BCAN: variants seen among roughly 807,000 people sequenced by gnomAD.
The protein encoded by BCAN is brevican.
Under a neutral mutation model 92.4 loss-of-function variants are expected in BCAN, and 51 were observed. The ratio of observed to expected loss-of-function variants is 0.55; its 90% CI spans 0.44 to 0.70. The LOEUF is 0.70. BCAN is among the 30% of genes least tolerant of loss of function. The pLI is 0.00. For missense variants in BCAN, 1,140 were observed against 1,212.1 expected, an observed-to-expected ratio of 0.94 and a Z score of 0.88; for synonymous variants, 501 against 505.2, an observed-to-expected ratio of 0.99 and a Z score of 0.11.
At position 156,657,018 on chromosome 1, in the gene BCAN, G is replaced by A. The variant is rs140508163; in HGVS notation, c.2131G>A (p.Glu711Lys). The change falls in exon 10 of 14, where the codon GAG becomes AAG. Residue 711 changes from glutamate (E) to lysine (K), a missense_variant. Physicochemically the swap from Glu to Lys is moderately conservative, Grantham distance 56 (BLOSUM62 1). Transcript: ENST00000329117. Reference sequence around the variant, plus strand: ...CTTTTCCACACGAAGGAGCTGGGAGGAGGCAGAGACCCAGTGCCGGATGTA... The same window carrying A: ...CTTTTCCACACGAAGGAGCTGGGAGAAGGCAGAGACCCAGTGCCGGATGTA... ...KHFSTRRSWE[E>K]AETQCRMYGA... The A allele has an allele frequency of 2.1e-5, 34 of 1,614,172 alleles. No individual in the cohort carries two copies. The highest frequency in any genetic ancestry group is 3.3e-4 in the Middle Eastern group (2 of 6,062).
rs1056695 is a variant in BCAN at position 156,652,460 on chromosome 1, G to T, written c.1510G>T (p.Glu504Ter). 1 of 1,601,780 alleles carries T rather than the reference G, an allele frequency of 6.2e-7. No individual in the cohort carries two copies. Among genetic ancestry groups the T allele is most frequent in the Non-Finnish European group, 8.5e-7 (1 of 1,173,702 alleles). ...CCCCACTGAGCCAGCAGCCCAGGAG[G>T]AGTCACTCTCCCAGGCGCCAGCAAG... is the stretch of plus-strand genomic sequence containing the variant. ...SLPTEPAAQEESLSQAPARAV... is the reference protein window; with the variant it reads ...SLPTEPAAQE Residue 504 changes from glutamate to a stop codon, truncating the protein, a stop_gained, in exon 8 of 14, where the codon GAG (glutamate) becomes TAG (stop). Transcript: ENST00000329117. LOFTEE classifies it high-confidence loss of function.
intron 2 of BCAN, 198 bp from the exon 3 acceptor site, chr1:156,646,602 TG>T: frequency 1.1e-6 from 1 of 869,782 alleles, no homozygotes; most frequent in Non-Finnish European, 1.7e-6. Flanking sequence ...GGGATGGGTC[TG>T]GAGACCGTCG....
intron 8 of BCAN, among the ~76,000 whole-genome samples, chr1:156,654,423 T>C (rs1351232932): frequency 6.6e-6 from 1 of 152,214 alleles, no homozygotes; most frequent in Admixed American, 6.5e-5. Context: ...TGGAGGTATC[T>C]ACAGTGTCTT....
intron 8 of BCAN, among the ~76,000 whole-genome samples, chr1:156,654,875 T>C (rs567303557): frequency 6.6e-6 from 1 of 152,268 alleles, no homozygotes; most frequent in African/African-American, 2.4e-5. Context: ...GGAGGGAAGA[T>C]GACAGAAGGA....
intron 8 of BCAN, chr1:156,653,378 G>A (rs1280119561): frequency 4.9e-6 from 5 of 1,017,712 alleles, no homozygotes; most frequent in Non-Finnish European, 5.9e-6. Context: ...TACCCCCACA[G>A]AGCCTTAAGC....
chr1:156,659,082 G>A lies in BCAN; in HGVS notation c.2684G>A (p.Gly895Glu), dbSNP rs1488865406. The change falls in exon 14 of 14, where the codon GGA (glycine) becomes GAA (glutamate). Residue 895 changes from glycine to glutamate, a missense_variant. Around this residue, in one of 3 missense-constraint regions of BCAN, gnomAD observed 825 missense variants for 871.8 expected, o/e 0.95. Coordinates refer to ENST00000329117, the MANE Select transcript of BCAN (RefSeq NM_021948.5). ...GAAGGACGTCAGGGGAGGCTACTGG[G>A]ACGCTGGAAGGCGCTGTTGATCCCC... ...DPEGRQGRLL[G>E]RWKALLIPPS... The A allele has an allele frequency of 6.3e-7, 1 of 1,598,822 alleles. No individual in the cohort carries two copies. The highest frequency in any genetic ancestry group is 1.1e-5 in the South Asian group (1 of 87,746).
rs1448274269 is a variant in BCAN, at chr1:156,658,476, C to T, written c.2438-67C>T. 6 of 1,557,562 alleles carry T rather than the reference C, an allele frequency of 3.9e-6. No homozygotes were observed. The African/African-American group carries it at 5.4e-5, about 14-fold the overall frequency. On this transcript the variant is annotated intron_variant, in intron 12 of 13. Coordinates refer to ENST00000329117, the MANE Select transcript of BCAN (RefSeq NM_021948.5). The surrounding 1 kb of genome is among the most constrained non-coding windows in gnomAD (Gnocchi z 4.4). ...CATGTTGTGGCCCATTTTTCTCTTC[C>T]CCATGGAGATTCTGGGAACTGTCAC... is the stretch of plus-strand genomic sequence containing the variant.
At position 156,658,561 on chromosome 1, in the gene BCAN, C is replaced by T. The variant is rs376073829; in HGVS notation, c.2456C>T (p.Pro819Leu). The change falls in exon 13 of 14, where the codon CCG becomes CTG. Residue 819 changes from proline (P) to leucine (L), a missense_variant. Around this residue, in one of 3 missense-constraint regions of BCAN, gnomAD observed 825 missense variants for 871.8 expected, o/e 0.95. Coordinates refer to ENST00000329117, the MANE Select transcript of BCAN (RefSeq NM_021948.5). This position sits in a 1 kb window ranked among gnomAD's most constrained non-coding sequence, Gnocchi z 4.4. Reference protein sequence around the residue: ...KMGLVSCGPPPELPLAQVFGR... With the variant: ...KMGLVSCGPPLELPLAQVFGR... ...TTTGCAGTGTCCTGTGGGCCGCCAC[C>T]GGAGCTGCCCCTGGCTCAAGTGTTC... 280 of 1,613,722 alleles carry T rather than the reference C, an allele frequency of 1.7e-4. No individual in the cohort carries two copies. The highest frequency in any genetic ancestry group is 2.2e-4 in the Non-Finnish European group (255 of 1,179,958).
rs1373328326 is a variant in BCAN, at chr1:156,652,396, G to A, written c.1446G>A (p.Trp482Ter). The A allele has an allele frequency of 3.1e-6, 5 of 1,608,962 alleles. No individual in the cohort carries two copies. Among genetic ancestry groups the A allele is most frequent in the African/African-American group, 1.3e-5 (1 of 74,760 alleles). ...TGGAGGATGAGGCTCTGTGGGCATGGCCCAGCGAGCTCAGCAGCCCGGGCC... is the reference window on the plus strand; with the variant it reads ...TGGAGGATGAGGCTCTGTGGGCATGACCCAGCGAGCTCAGCAGCCCGGGCC... ...EEVEDEALWA[W>*]PSELSSPGPE... The change falls in exon 8 of 14, where the codon TGG becomes TGA. Residue 482 changes from tryptophan to a stop codon, truncating the protein, a stop_gained. Transcript: ENST00000329117. LOFTEE classifies it high-confidence loss of function.
intron 6 of BCAN, 106 bp downstream of exon 6, chr1:156,648,967 T>G: frequency 1.5e-6 from 2 of 1,328,210 alleles, no homozygotes; most frequent in East Asian, 4.7e-5. Flanking sequence ...CTTTGCCATT[T>G]GCCTGAAGTG....
Position 156,648,561 on chromosome 1 carries a change from C to T in BCAN, c.770-7C>T, listed in dbSNP as rs1679059302. On this transcript the variant is annotated splice_polypyrimidine_tract_variant and splice_region_variant and intron_variant, in intron 5 of 13. Coordinates refer to ENST00000329117, the MANE Select transcript of BCAN (RefSeq NM_021948.5). ...CCTGATAACCCAGCCTTCTCTTCTC[C>T]ACCCAGGAGAACTGTTCCTGGGTGA... 6.3e-7 allele frequency: 1 copy of T among 1,575,162 alleles called. No individual in the cohort carries two copies. Among genetic ancestry groups the T allele is most frequent in the South Asian group, 1.1e-5 (1 of 88,198 alleles).
rs142504696 is a variant in BCAN, at chr1:156,645,724, A to C, written c.-8-323A>C. 1.5e-3 allele frequency among the ~76,000 whole-genome samples: 224 copies of C among 152,274 alleles called. 1 individual carries two copies. The highest frequency in any genetic ancestry group is 5.2e-3 in the African/African-American group (216 of 41,536). ...TTGTACAGGAGTTTTAAGATACTAA[A>C]CACTCTCAAAGCACATGGTCCTATC... On this transcript the variant is annotated intron_variant, in intron 1 of 13. Coordinates refer to ENST00000329117, the MANE Select transcript of BCAN (RefSeq NM_021948.5).
rs959311403 is a variant in BCAN, at chr1:156,647,805, G to T, written c.641+123G>T. 3 of 1,541,804 alleles carry T rather than the reference G, an allele frequency of 1.9e-6. No individual in the cohort carries two copies. The African/African-American group carries it at 4.1e-5, about 21-fold the overall frequency. On this transcript the variant is annotated intron_variant, in intron 4 of 13. Transcript: ENST00000329117. This position sits in a 1 kb window ranked among gnomAD's most constrained non-coding sequence, Gnocchi z 4.8. ...AGGGCTTTTTGCCTCTGGGGGATGAGGCTGGTCTGAGGAGGGGAGGTGAGG... is the reference window on the plus strand; with the variant it reads ...AGGGCTTTTTGCCTCTGGGGGATGATGCTGGTCTGAGGAGGGGAGGTGAGG...
chr1:156,659,001 G>A, intron 13 of BCAN, 26 bp from the exon 14 acceptor site: 1 of 1,560,314 alleles, frequency 6.4e-7, no homozygotes, highest in East Asian at 2.3e-5. Context: ...GAGCCAGGGT[G>A]GAGGGTGAGT....
Position 156,647,968 on chromosome 1 carries a change from G to A in BCAN, c.642-15G>A. 6.2e-7 allele frequency: 1 copy of A among 1,612,246 alleles called. No homozygotes were observed. Among genetic ancestry groups the A allele is most frequent in the Non-Finnish European group, 8.5e-7 (1 of 1,178,468 alleles). On this transcript the variant is annotated splice_polypyrimidine_tract_variant and intron_variant, in intron 4 of 13. Transcript: ENST00000329117. The surrounding 1 kb of genome is among the most constrained non-coding windows in gnomAD (Gnocchi z 4.8). ...GAAAGCATCTGTACTAAGTGATTCTGTCCTTCCTCCCTAGGTATCCCATCC... is the reference window on the plus strand; with the variant it reads ...GAAAGCATCTGTACTAAGTGATTCTATCCTTCCTCCCTAGGTATCCCATCC...
intron 9 of BCAN, chr1:156,656,685 A>G: frequency 3.6e-6 from 2 of 551,752 alleles, no homozygotes; most frequent in Admixed American, 6.1e-5. Flanking sequence ...GCTCGTTAGG[A>G]TGGAGACCCA....
intron 5 of BCAN, 47 bp from the exon 6 acceptor site, chr1:156,648,521 A>G: frequency 3.3e-6 from 5 of 1,529,946 alleles, no homozygotes; most frequent in Non-Finnish European, 4.4e-6. Context: ...CCAGAGTGGA[A>G]GGAGCTACCA....
intron 1 of BCAN, chr1:156,643,734 C>T (rs781649408): frequency 2.6e-5 from 4 of 151,168 alleles, no homozygotes; most frequent in Non-Finnish European, 5.9e-5. Flanking sequence ...CCGGGTCAGA[C>T]AGAAATGATG....
intron 8 of BCAN, chr1:156,653,219 T>C (rs888664305): frequency 1.5e-6 from 2 of 1,299,326 alleles, no homozygotes; most frequent in Admixed American, 7.4e-5. Context: ...AGGGTCCTCA[T>C]CACCTATTGC....
Sources: gnomAD v4.1 joint callset for allele counts (sites outside exome capture counted in the v4.1 genomes callset) on GRCh38, gnomAD v4.1.1 for gene constraint, gnomAD v4.1.1 regional missense constraint, Gnocchi (gnomAD v3.1) non-coding constraint, MANE v1.5 for transcripts, NCBI Gene and HGNC (gene_info 2026-07-23, HGNC 2026-07-21) for gene names.